KIF3A: variants seen among roughly 807,000 people sequenced by gnomAD.
KIF3A encodes the protein kinesin family member 3A.
In KIF3A, 27 loss-of-function variants were observed where a neutral mutation model predicts 92.6. The observed-to-expected ratio is 0.29, with a 90% CI of 0.21 to 0.40. The LOEUF (loss-of-function observed/expected upper bound fraction) is 0.40, where lower values mean the gene tolerates loss of function less well. Among genes scored for constraint, KIF3A ranks in the 10% least tolerant of loss-of-function variants. KIF3A has a pLI of 1.00. For synonymous variants in KIF3A, 250 were observed against 275.4 expected (o/e 0.91, Z 0.92); for missense variants, 581 against 872.6 (o/e 0.67, Z 4.21).
rs554076736 is a variant in KIF3A at position 132,731,469 on chromosome 5, C to A, written c.280+2736G>T. Reference sequence around the variant, plus strand: ...CAATATACAATCCAAAAACTCTCAGCGAACTAAGAATAGAAGGGAACTTCC... The same window carrying A: ...CAATATACAATCCAAAAACTCTCAGAGAACTAAGAATAGAAGGGAACTTCC... On this transcript the variant is annotated intron_variant, in intron 2 of 18. Coordinates refer to ENST00000403231, the MANE Select transcript of KIF3A (RefSeq NM_001300791.2). Among the ~76,000 whole-genome samples the A allele has an allele frequency of 3.9e-5, 6 of 152,180 alleles. No homozygotes were observed. The South Asian group carries it at 1.2e-3, about 32-fold the overall frequency.
chr5:132,710,993 A>C lies in KIF3A; in HGVS notation c.1194T>G (p.Val398=). Residue 398 remains valine, a synonymous_variant, in exon 9 of 19, where the codon GTT becomes GTG. Coordinates refer to ENST00000403231, the MANE Select transcript of KIF3A (RefSeq NM_001300791.2). ...TTTTCCTTTTCTCTCCATCTTCTCC[A>C]ACCTCACCCTCTTCATCATCATCTT... ...SEEDDDEEGE[V]GEDGEKRKKR... 1 of 1,611,970 alleles carries C rather than the reference A, an allele frequency of 6.2e-7. No homozygotes were observed. The highest frequency in any genetic ancestry group is 1.3e-5 in the African/African-American group (1 of 74,960).
Position 132,692,936 on chromosome 5 carries a change from A to G in KIF3A, c.*3698T>C, listed in dbSNP as rs904269027. ...AAATAAAACAAATGTATACATTAGG[A>G]AATTGGGCAGACATTGGTGTACTTA... On this transcript the variant is annotated 3_prime_UTR_variant, in exon 19 of 19. Transcript: ENST00000403231. 1 of 152,664 alleles carries G rather than the reference A, an allele frequency of 6.6e-6. No homozygotes were observed. 9.5% of individuals were successfully genotyped at this position (152,664 alleles called of 1,614,324 possible). A position where few individuals can be genotyped will look rare whatever the true frequency, so the allele number is the denominator to read the frequency against.
chr5:132,716,768 A>T (rs1043294138), intron 6 of KIF3A, 77 bp downstream of exon 6: 24 of 1,454,092 alleles, frequency 1.7e-5, no homozygotes, highest in Non-Finnish European at 2.9e-6. Flanking sequence ...ATACCTTTTC[A>T]CTTTAATTTT....
intron 4 of KIF3A, among the ~76,000 whole-genome samples, chr5:132,725,401 G>C (rs770240864): frequency 6.6e-6 from 1 of 152,104 alleles, no homozygotes; most frequent in Non-Finnish European, 1.5e-5. Context: ...TCATCTGTTA[G>C]TATTGGTAAT....
Position 132,700,697 on chromosome 5 carries a change from T to C in KIF3A, c.1888A>G (p.Met630Val), listed in dbSNP as rs1178650333. The change falls in exon 16 of 19, where the codon ATG becomes GTG. Residue 630 changes from methionine (M) to valine (V), a missense_variant. Transcript: ENST00000403231. ...DNFIPRDYQE[M>V]IENYVHWNED... Reference sequence around the variant, plus strand: ...TTCCAATGGACATAGTTTTCAATCATTTCCTTTTAAAAGGGTGAAAGATAG... The same window carrying C: ...TTCCAATGGACATAGTTTTCAATCACTTCCTTTTAAAAGGGTGAAAGATAG... 2.5e-6 allele frequency: 4 copies of C among 1,588,952 alleles called. No homozygotes were observed. The highest frequency in any genetic ancestry group is 1.1e-5 in the South Asian group (1 of 90,260).
intron 17 of KIF3A, 37 bp downstream of exon 17, chr5:132,700,179 T>G: frequency 1.8e-6 from 2 of 1,109,650 alleles, no homozygotes; most frequent in Non-Finnish European, 2.7e-6. Flanking sequence ...CAACAGTAGT[T>G]TTGTGTTTTG....
chr5:132,729,859 AAAGT>A lies in KIF3A; in HGVS notation c.281-3365_281-3362del, dbSNP rs568287146. ...AGAAAGAAAAGAGGAAATTAAGCCC[AAAGT>A]AAGTAAGAAAAAAAAATAAAGATCA... On this transcript the variant is annotated intron_variant, in intron 2 of 18. Transcript: ENST00000403231. Among the ~76,000 whole-genome samples the A allele has an allele frequency of 7.4e-4, 112 of 152,194 alleles. 1 individual carries two copies. Among genetic ancestry groups the A allele is most frequent in the African/African-American group, 2.6e-3 (110 of 41,578 alleles).
intron 2 of KIF3A, among the ~76,000 whole-genome samples, chr5:132,732,978 A>G (rs777090795): frequency 3.9e-5 from 6 of 152,192 alleles, no homozygotes; most frequent in Non-Finnish European, 8.8e-5. Flanking sequence ...AAGCTTGAAA[A>G]CACTGTAAGT....
intron 2 of KIF3A, among the ~76,000 whole-genome samples, chr5:132,727,458 T>C (rs1049236150): frequency 1.3e-5 from 2 of 151,904 alleles, no homozygotes; most frequent in East Asian, 1.9e-4. Flanking sequence ...AAGGTTTAGA[T>C]CTGAAATACA....
chr5:132,700,724 C>T, intron 15 of KIF3A, 24 bp from the exon 16 acceptor site: 2 of 1,481,102 alleles, frequency 1.4e-6, no homozygotes, highest in South Asian at 1.2e-5. Flanking sequence ...GAAAGATAGC[C>T]TATTTTTAAT....
downstream of KIF3A, among the ~76,000 whole-genome samples, chr5:132,689,316 G>T (rs1016493537): frequency 4.6e-5 from 7 of 152,312 alleles, no homozygotes; most frequent in African/African-American, 1.2e-4. Flanking sequence ...GCTAACGGTG[G>T]TCTTCAGTGA....
chr5:132,721,133 G>A (rs1944345998), intron 4 of KIF3A, among the ~76,000 whole-genome samples: 1 of 152,136 alleles, frequency 6.6e-6, no homozygotes, highest in Admixed American at 6.5e-5. Flanking sequence ...AAGACAATGT[G>A]GCTGGAGAGA....
chr5:132,708,027 T>C (rs1753278493), intron 10 of KIF3A, among the ~76,000 whole-genome samples: 1 of 152,180 alleles, frequency 6.6e-6, no homozygotes, highest in Non-Finnish European at 1.5e-5. Context: ...CTCACGCCTA[T>C]AATCCCAGCA....
chr5:132,689,339 C>G (rs962293576), downstream of KIF3A, among the ~76,000 whole-genome samples: 1 of 152,076 alleles, frequency 6.6e-6, no homozygotes, highest in Admixed American at 6.6e-5. Context: ...TTTACTCTAC[C>G]TTGTTTTAAA....
chr5:132,689,255 A>C (rs1420454875), downstream of KIF3A, among the ~76,000 whole-genome samples: 1 of 152,268 alleles, frequency 6.6e-6, no homozygotes, highest in Non-Finnish European at 1.5e-5. Flanking sequence ...GCTCGCTTTA[A>C]GTTCAGGCTG....
At chr5:132,698,886 C>T (rs912655592) in intron 18 of KIF3A, among the ~76,000 whole-genome samples, 2 of 151,914 alleles carry the variant, frequency 1.3e-5, no homozygotes, top group Non-Finnish European at 2.9e-5. Flanking sequence ...TACAGGCATG[C>T]GCCACCATGC....
downstream of KIF3A, among the ~76,000 whole-genome samples, chr5:132,691,929 A>G (rs986265147): frequency 5.3e-5 from 8 of 149,912 alleles, no homozygotes; most frequent in African/African-American, 2.0e-4. Flanking sequence ...AAAATAAAAT[A>G]ATAAATAAAA....
chr5:132,711,417 C>T (rs1303331652), intron 8 of KIF3A, among the ~76,000 whole-genome samples: 4 of 151,940 alleles, frequency 2.6e-5, no homozygotes, highest in African/African-American at 7.3e-5. Context: ...CATGGCAAAA[C>T]CCCATCTCTA....
chr5:132,705,539 A>G (rs992194721), intron 11 of KIF3A, among the ~76,000 whole-genome samples: 4 of 152,032 alleles, frequency 2.6e-5, no homozygotes, highest in Non-Finnish European at 5.9e-5. Context: ...GTGGAAATAC[A>G]AAGACACATA....
Sources: allele counts gnomAD v4.1 joint callset (sites outside exome capture counted in the v4.1 genomes callset), GRCh38; gene constraint gnomAD v4.1.1; transcripts MANE v1.5; gene names NCBI Gene and HGNC (gene_info 2026-07-23, HGNC 2026-07-21).